The following ARHGEF38 variants were observed in gnomAD, a reference collection of about 807,000 sequenced individuals.
ARHGEF38 encodes the protein Rho guanine nucleotide exchange factor (GEF) 38.
ARHGEF38 carries 79 observed loss-of-function variants against 79.9 expected under a neutral mutation model. That is an observed-to-expected ratio of 0.99 (90% CI 0.82 to 1.19). ARHGEF38 has a LOEUF of 1.19. Among genes scored for constraint, ARHGEF38 ranks in the 50% most tolerant of loss-of-function variants. The pLI is 0.00. For synonymous variants in ARHGEF38, 366 were observed against 328.3 expected, an observed-to-expected ratio of 1.11 and a Z score of -1.24; for missense variants, 962 against 907.2, an observed-to-expected ratio of 1.06 and a Z score of -0.78.
chr4:105,614,292 G>A (rs1482592587), intron 3 of ARHGEF38, among the ~76,000 whole-genome samples: 1 of 152,046 alleles, frequency 6.6e-6, no homozygotes, highest in African/African-American at 2.4e-5. Context: ...CATTACAAAA[G>A]TACTAAAACA....
intron 3 of ARHGEF38, among the ~76,000 whole-genome samples, chr4:105,626,237 C>G (rs1256820757): frequency 6.6e-6 from 1 of 152,132 alleles, no homozygotes; most frequent in Admixed American, 6.6e-5. Flanking sequence ...GTGTCTACAC[C>G]CACATGGTCA....
chr4:105,613,729 T>C (rs1728400042), intron 3 of ARHGEF38, among the ~76,000 whole-genome samples: 1 of 152,026 alleles, frequency 6.6e-6, no homozygotes, highest in African/African-American at 2.4e-5. Context: ...AAACATACCA[T>C]TTGCTTTTTA....
downstream of ARHGEF38, among the ~76,000 whole-genome samples, chr4:105,682,084 A>G (rs1326714881): frequency 2.0e-5 from 3 of 152,206 alleles, no homozygotes; most frequent in Non-Finnish European, 4.4e-5. Flanking sequence ...AAAGTGAGCA[A>G]TGTGAGAAAA....
intron 9 of ARHGEF38, among the ~76,000 whole-genome samples, chr4:105,656,812 A>G (rs1730346248): frequency 6.6e-6 from 1 of 152,132 alleles, no homozygotes; most frequent in African/African-American, 2.4e-5. Context: ...TGTGACAACC[A>G]GTGAAGAGCC....
At chr4:105,616,172 T>C (rs995896223) in intron 3 of ARHGEF38, among the ~76,000 whole-genome samples, 5 of 152,240 alleles carry the variant, frequency 3.3e-5, no homozygotes, top group Non-Finnish European at 7.3e-5. Flanking sequence ...GGTTACCTAT[T>C]GCATGTTATA....
At position 105,674,913 on chromosome 4, in the gene ARHGEF38, A is replaced by T. The variant is rs12503020; in HGVS notation, c.2149-2839A>T. On this transcript the variant is annotated intron_variant, in intron 13 of 13. Transcript: ENST00000420470. ...TAGTAGGCAATCTAACCTGCTAAAAAAATCTATAGTTGCATAGGTAAAGCA... is the reference window on the plus strand; with the variant it reads ...TAGTAGGCAATCTAACCTGCTAAAATAATCTATAGTTGCATAGGTAAAGCA... 9.5e-3 allele frequency among the ~76,000 whole-genome samples: 1,444 copies of T among 152,264 alleles called. 15 individuals are homozygous for T. The highest frequency in any genetic ancestry group is 0.029 in the Admixed American group (448 of 15,304).
At chr4:105,556,200 A>T (rs932209847) in intron 1 of ARHGEF38, among the ~76,000 whole-genome samples, 1 of 152,202 alleles carries the variant, frequency 6.6e-6, no homozygotes, top group South Asian at 2.1e-4. Flanking sequence ...AATCATACAC[A>T]TTTGGTAAAT....
chr4:105,567,452 A>G (rs1038092356), intron 1 of ARHGEF38, among the ~76,000 whole-genome samples: 8 of 152,222 alleles, frequency 5.3e-5, no homozygotes, highest in African/African-American at 9.6e-5. Flanking sequence ...TTCATTAATT[A>G]TGTAAGTTTC....
chr4:105,679,896 C>T lies in ARHGEF38; in HGVS notation c.*1959C>T. On this transcript the variant is annotated 3_prime_UTR_variant, in exon 14 of 14. Coordinates refer to ENST00000420470, the MANE Select transcript of ARHGEF38 (RefSeq NM_001242729.2). The stretch of plus-strand genomic sequence containing the variant: ...GGAATGTCCAAACCACGAGGAGCCA[C>T]ATTGGTTGCCACCAAAACTTTATAA... 2 of 1,433,380 alleles carry T rather than the reference C, an allele frequency of 1.4e-6. No individual in the cohort carries two copies. Among genetic ancestry groups the T allele is most frequent in the Non-Finnish European group, 2.0e-6 (2 of 1,019,908 alleles). 88.8% of individuals were successfully genotyped at this position (1,433,380 alleles called of 1,614,324 possible).
chr4:105,613,700 G>A (rs989450460), intron 3 of ARHGEF38, among the ~76,000 whole-genome samples, 193 bp downstream of exon 3: 1 of 152,080 alleles, frequency 6.6e-6, no homozygotes, highest in African/African-American at 2.4e-5. Context: ...TCCATTTGCT[G>A]AAGTCCCTCA....
intron 7 of ARHGEF38, among the ~76,000 whole-genome samples, chr4:105,649,458 A>G (rs1271558720): frequency 6.6e-6 from 1 of 152,250 alleles, no homozygotes; most frequent in Non-Finnish European, 1.5e-5. Flanking sequence ...AAAGTAAGTT[A>G]TCAACAGAAC....
rs72669989 is a variant in ARHGEF38, at chr4:105,645,722, A to G, written c.874+335A>G. Among the ~76,000 whole-genome samples the G allele has an allele frequency of 9.2e-3, 1,398 of 152,346 alleles. 9 individuals carry two copies. Among genetic ancestry groups the G allele is most frequent in the Non-Finnish European group, 0.016 (1,101 of 68,018 alleles). Reference sequence around the variant, plus strand: ...GAGATATGTGTGGTAAGAAAGAGAAATGGCCACGTTGCAATAGCAGTGGGA... The same window carrying G: ...GAGATATGTGTGGTAAGAAAGAGAAGTGGCCACGTTGCAATAGCAGTGGGA... On this transcript the variant is annotated intron_variant, in intron 6 of 13. Transcript: ENST00000420470.
At chr4:105,586,972 T>C (rs1727083355) in intron 1 of ARHGEF38, among the ~76,000 whole-genome samples, 1 of 148,610 alleles carries the variant, frequency 6.7e-6, no homozygotes, top group South Asian at 2.1e-4. Flanking sequence ...ATCTTGAATA[T>C]ACACATTTTT....
At chr4:105,586,713 A>G (rs1023867145) in intron 1 of ARHGEF38, among the ~76,000 whole-genome samples, 2 of 152,226 alleles carry the variant, frequency 1.3e-5, no homozygotes. Flanking sequence ...TAGAAGGTTT[A>G]GAACCTGGAA....
At chr4:105,670,230 C>G (rs1730914641) in intron 13 of ARHGEF38, among the ~76,000 whole-genome samples, 1 of 152,112 alleles carries the variant, frequency 6.6e-6, no homozygotes, top group Admixed American at 6.5e-5. Context: ...GTGGGCGCAC[C>G]ATTTTAGATT....
In ARHGEF38 at chr4:105,630,937, T is replaced by C; in HGVS notation, c.548T>C (p.Ile183Thr). The C allele has an allele frequency of 6.2e-7, 1 of 1,612,266 alleles. No homozygotes were observed. Among genetic ancestry groups the C allele is most frequent in the Non-Finnish European group, 8.5e-7 (1 of 1,179,416 alleles). The change falls in exon 4 of 14, where the codon ATT (isoleucine) becomes ACT (threonine). Residue 183 changes from isoleucine to threonine, a missense_variant. Physicochemically the swap from Ile to Thr is moderately conservative, Grantham distance 89 (BLOSUM62 -1). Transcript: ENST00000420470. ...CAGATTAAAGGGCCACTGGAAGATA[T>C]TTATAAAATCTACTGCTATCACCAT... The part of the protein sequence containing the change: ...FLQIKGPLED[I>T]YKIYCYHHDE...
intron 3 of ARHGEF38, among the ~76,000 whole-genome samples, chr4:105,628,822 T>C (rs904536660): frequency 6.6e-6 from 1 of 152,082 alleles, no homozygotes. Flanking sequence ...AGGAAAAATA[T>C]TTTATTGGCT....
At chr4:105,560,071 C>T (rs988380232) in intron 1 of ARHGEF38, among the ~76,000 whole-genome samples, 4 of 152,264 alleles carry the variant, frequency 2.6e-5, no homozygotes, top group Admixed American at 2.6e-4. Context: ...ACTAAGAAGT[C>T]AAAGCCATTT....
intron 4 of ARHGEF38, among the ~76,000 whole-genome samples, chr4:105,633,464 G>C (rs1040732875): frequency 6.6e-6 from 1 of 152,150 alleles, no homozygotes; most frequent in Non-Finnish European, 1.5e-5. Context: ...ATCAGTCAAA[G>C]CTATTACTGT....
Sources: allele counts gnomAD v4.1 joint callset (sites outside exome capture counted in the v4.1 genomes callset), GRCh38; gene constraint gnomAD v4.1.1; transcripts MANE v1.5; gene names NCBI Gene and HGNC (gene_info 2026-07-23, HGNC 2026-07-21).